The following PYROXD2 variants were observed in gnomAD, a reference collection of about 807,000 sequenced individuals.
PYROXD2 encodes pyridine nucleotide-disulphide oxidoreductase domain 2, also known as pyridine nucleotide-disulfide oxidoreductase domain-containing protein 2.
A neutral mutation model predicts 71.1 loss-of-function variants in PYROXD2; 69 were observed. That is an observed-to-expected ratio of 0.97 (90% CI 0.80 to 1.19). The LOEUF (loss-of-function observed/expected upper bound fraction) is 1.19, where lower values mean the gene tolerates loss of function less well. Ranked by LOEUF, PYROXD2 falls within the 50% of genes most tolerant of loss-of-function variation. The pLI, the probability that PYROXD2 is intolerant of heterozygous loss-of-function variation, is 0.00. For missense variants in PYROXD2, 745 were observed against 748.9 expected (o/e 0.99, Z 0.06); for synonymous variants, 287 against 302.7 (o/e 0.95, Z 0.54).
At chr10:98,388,621 AT>A in intron 12 of PYROXD2, 113 bp from the exon 13 acceptor site, 1 of 1,169,856 alleles carries the variant, frequency 8.5e-7, no homozygotes, top group Non-Finnish European at 1.2e-6. Flanking sequence ...ATTCTGGGCG[AT>A]TGTCGCTCTA....
chr10:98,386,901 G>A lies in PYROXD2; in HGVS notation c.1554+300C>T, dbSNP rs1012602938. ...TGTGCTGCTGCCTTGAGAAGGGGGT[G>A]CTCTCTCTCAAGAAAGTCAGATGGC... On this transcript the variant is annotated intron_variant, in intron 14 of 15. Transcript: ENST00000370575. Among the ~76,000 whole-genome samples, 4 of 152,098 alleles carry A rather than the reference G, an allele frequency of 2.6e-5. No homozygotes were observed. In the East Asian group the frequency reaches 5.8e-4, roughly 22 times the overall value.
chr10:98,402,158 A>G (rs1303599788), intron 4 of PYROXD2, among the ~76,000 whole-genome samples: 1 of 152,190 alleles, frequency 6.6e-6, no homozygotes, highest in African/African-American at 2.4e-5. Context: ...CCACCACTGT[A>G]TATAGTCTAT....
Position 98,391,097 on chromosome 10 carries a change from C to T in PYROXD2, c.1063-15G>A, listed in dbSNP as rs1358976533. 6.3e-7 allele frequency: 1 copy of T among 1,586,452 alleles called. No homozygotes were observed. Among genetic ancestry groups the T allele is most frequent in the Non-Finnish European group, 8.7e-7 (1 of 1,155,144 alleles). On this transcript the variant is annotated splice_polypyrimidine_tract_variant and intron_variant, in intron 10 of 15. Coordinates refer to ENST00000370575, the MANE Select transcript of PYROXD2 (RefSeq NM_032709.3). ...GGAAGCCACTCCTGGAAGGAGAAGG[C>T]TCCATGAAAGGCCTCAGATGTCCAA...
intron 4 of PYROXD2, 35 bp from the exon 5 acceptor site, chr10:98,400,292 T>C (rs1024534030): frequency 2.5e-6 from 4 of 1,573,928 alleles, no homozygotes; most frequent in African/African-American, 1.3e-5. Context: ...CACATATTAA[T>C]GGCTCTGTGG....
intron 5 of PYROXD2, 85 bp from the exon 6 acceptor site, chr10:98,397,583 G>T (rs1843235750): frequency 5.5e-6 from 8 of 1,441,790 alleles, no homozygotes; most frequent in Non-Finnish European, 6.4e-6. Context: ...CCCCCCCACA[G>T]CTTGACGGTT....
intron 1 of PYROXD2, among the ~76,000 whole-genome samples, chr10:98,412,959 A>G (rs1843838322): frequency 6.6e-6 from 1 of 152,234 alleles, no homozygotes; most frequent in Non-Finnish European, 1.5e-5. Context: ...CGGCTGTCAA[A>G]CAGCCATTGA....
chr10:98,400,077 C>T (rs771054283), intron 5 of PYROXD2, 25 bp downstream of exon 5: 2 of 1,608,020 alleles, frequency 1.2e-6, no homozygotes, highest in African/African-American at 1.3e-5. Flanking sequence ...GGAGCAGGAG[C>T]TCAGTCACTG....
intron 1 of PYROXD2, among the ~76,000 whole-genome samples, chr10:98,412,664 C>T (rs550205555): frequency 3.3e-5 from 5 of 152,310 alleles, no homozygotes; most frequent in Admixed American, 3.3e-4. Flanking sequence ...TAACCCTTGT[C>T]TCAGAAGATG....
At chr10:98,403,285 G>A (rs1399418501) in intron 4 of PYROXD2, among the ~76,000 whole-genome samples, 1 of 152,180 alleles carries the variant, frequency 6.6e-6, no homozygotes, top group Non-Finnish European at 1.5e-5. Flanking sequence ...GGTCATCCTT[G>A]ACATCCCATC....
chr10:98,407,745 G>C (rs1184771278), intron 3 of PYROXD2, 90 bp from the exon 4 acceptor site: 1 of 1,273,920 alleles, frequency 7.8e-7, no homozygotes, highest in Admixed American at 2.3e-5. Context: ...ACCGTCACCA[G>C]GGGTCAGCAG....
At chr10:98,401,939 A>G (rs568104000) in intron 4 of PYROXD2, among the ~76,000 whole-genome samples, 300 of 152,374 alleles carry the variant, frequency 2.0e-3, no homozygotes, top group African/African-American at 6.1e-3. Context: ...AAATAATAAT[A>G]AAAGTATAGT....
intron 5 of PYROXD2, among the ~76,000 whole-genome samples, chr10:98,399,611 G>A (rs932454059): frequency 9.2e-5 from 14 of 152,220 alleles, no homozygotes; most frequent in African/African-American, 3.1e-4. Flanking sequence ...AGCCAGGAGG[G>A]AGCCTTGGGA....
At chr10:98,395,712 G>A (rs548221657) in intron 6 of PYROXD2, among the ~76,000 whole-genome samples, 76 of 152,314 alleles carry the variant, frequency 5.0e-4, no homozygotes, top group Non-Finnish European at 7.9e-4. Flanking sequence ...CAAGGGCTAC[G>A]GTGAGGATTA....
chr10:98,414,795 GC>G, intron 1 of PYROXD2: 1 of 611,022 alleles, frequency 1.6e-6, no homozygotes, highest in Non-Finnish European at 2.7e-6. Context: ...TTTGCCCCAG[GC>G]CACACAGCAG....
chr10:98,394,459 G>A (rs545994305), intron 8 of PYROXD2, among the ~76,000 whole-genome samples: 2 of 151,754 alleles, frequency 1.3e-5, no homozygotes, highest in Admixed American at 1.3e-4. Flanking sequence ...GAAAAGCCAC[G>A]TCGACGCCTT....
At chr10:98,395,583 G>C in intron 6 of PYROXD2, 131 bp from the exon 7 acceptor site, 1 of 749,790 alleles carries the variant, frequency 1.3e-6, no homozygotes, top group Non-Finnish European at 2.3e-6. Flanking sequence ...AGCCAATGCA[G>C]GGACAGATCC....
At chr10:98,389,743 G>C (rs1842884573) in intron 12 of PYROXD2, among the ~76,000 whole-genome samples, 1 of 152,058 alleles carries the variant, frequency 6.6e-6, no homozygotes, top group Non-Finnish European at 1.5e-5. Flanking sequence ...CCCCTTCCCT[G>C]CCTATTTTTC....
chr10:98,411,279 G>A (rs1293864128), intron 1 of PYROXD2: 1 of 381,048 alleles, frequency 2.6e-6, no homozygotes, highest in Non-Finnish European at 4.8e-6. Context: ...AGGCGCAAGT[G>A]ATGGTGTCTG....
At chr10:98,404,708 C>A (rs2136009440) in intron 4 of PYROXD2, among the ~76,000 whole-genome samples, 1 of 151,714 alleles carries the variant, frequency 6.6e-6, no homozygotes, top group Non-Finnish European at 1.5e-5. Context: ...TCTAAAGGAC[C>A]AGAGATACAA....
Sources: allele counts gnomAD v4.1 joint callset (sites outside exome capture counted in the v4.1 genomes callset), GRCh38; gene constraint gnomAD v4.1.1; transcripts MANE v1.5; gene names NCBI Gene and HGNC (gene_info 2026-07-23, HGNC 2026-07-21).